FGF14: variants seen among roughly 807,000 people sequenced by gnomAD.
FGF14 encodes the protein fibroblast growth factor homologous factor 4.
In FGF14, 5 loss-of-function variants were observed where a neutral mutation model predicts 25.5. The observed-to-expected ratio is 0.20, with a 90% CI of 0.10 to 0.41. The LOEUF is 0.41. FGF14 is among the 10% of genes least tolerant of loss of function. The pLI is 1.00. For missense variants in FGF14, 222 were observed against 320.1 expected (o/e 0.69, Z 2.34); for synonymous variants, 138 against 118.3 (o/e 1.17, Z -1.08).
chr13:102,152,069 C>T (rs1048055798), intron 1 of FGF14, among the ~76,000 whole-genome samples: 3 of 152,054 alleles, frequency 2.0e-5, no homozygotes, highest in Admixed American at 6.6e-5. Context: ...CTACCCAATA[C>T]GAAGCACGGA....
intron 1 of FGF14, among the ~76,000 whole-genome samples, chr13:102,201,100 CTCAAAAAAAAA>C (rs2049616079): frequency 1.9e-5 from 1 of 52,722 alleles, no homozygotes; most frequent in Non-Finnish European, 3.4e-5. Context: ...GACTCCGTCT[CTCAAAAAAAAA>C]AAAAAAAAAA....
chr13:102,186,896 T>C (rs540367600), intron 1 of FGF14, among the ~76,000 whole-genome samples: 1 of 152,286 alleles, frequency 6.6e-6, no homozygotes, highest in African/African-American at 2.4e-5. Flanking sequence ...GTAGTGCACA[T>C]ACAGGCTCAC....
intron 1 of FGF14, among the ~76,000 whole-genome samples, chr13:102,113,104 T>G (rs181768880): frequency 1.3e-5 from 2 of 152,362 alleles, no homozygotes; most frequent in Admixed American, 1.3e-4. Flanking sequence ...TGAACAGATC[T>G]AAAGACAAAT....
intron 3 of FGF14, among the ~76,000 whole-genome samples, chr13:101,760,681 T>C (rs761754545): frequency 3.3e-5 from 5 of 152,224 alleles, no homozygotes; most frequent in Non-Finnish European, 7.3e-5. Context: ...TTACTGAGCA[T>C]CTATTGCATG....
At chr13:102,250,392 TA>T (rs1376443370) in intron 1 of FGF14, among the ~76,000 whole-genome samples, 1 of 152,166 alleles carries the variant, frequency 6.6e-6, no homozygotes, top group African/African-American at 2.4e-5. Context: ...CTTTTGGAAT[TA>T]AGTCTGTTTT....
chr13:101,771,254 A>G (rs1341561940), intron 3 of FGF14, among the ~76,000 whole-genome samples: 1 of 152,056 alleles, frequency 6.6e-6, no homozygotes, highest in East Asian at 1.9e-4. Context: ...TTCTATCTCT[A>G]CATCCACAAA....
At chr13:101,838,744 G>T (rs2043052501) in intron 3 of FGF14, among the ~76,000 whole-genome samples, 2 of 151,892 alleles carry the variant, frequency 1.3e-5, no homozygotes, top group African/African-American at 4.8e-5. Flanking sequence ...AAAAACAAAG[G>T]TTCTTCAAGA....
chr13:101,943,998 C>CAAAAAAAAAAA (rs58695952), intron 1 of FGF14, among the ~76,000 whole-genome samples: 1 of 85,364 alleles, frequency 1.2e-5, no homozygotes, highest in Non-Finnish European at 2.9e-5. Flanking sequence ...AACTCCGTCT[C>CAAAAAAAAAAA]AAAAAAAAAA....
chr13:101,912,321 C>G (rs1289306294), intron 1 of FGF14, among the ~76,000 whole-genome samples: 2 of 152,062 alleles, frequency 1.3e-5, no homozygotes, highest in East Asian at 3.9e-4. Flanking sequence ...CACATAATAC[C>G]ATAGCTCTCA....
intron 1 of FGF14, among the ~76,000 whole-genome samples, chr13:102,012,862 C>A (rs1166573412): frequency 6.6e-6 from 1 of 152,042 alleles, no homozygotes; most frequent in Non-Finnish European, 1.5e-5. Flanking sequence ...ATGTCTGAGC[C>A]CCCTTATTAA....
At chr13:102,372,437 A>G (rs1466697904) in intron 1 of FGF14, among the ~76,000 whole-genome samples, 1 of 152,218 alleles carries the variant, frequency 6.6e-6, no homozygotes, top group Non-Finnish European at 1.5e-5. Flanking sequence ...ACAAAGCAGC[A>G]GACGAGAAGA....
intron 3 of FGF14, among the ~76,000 whole-genome samples, chr13:101,823,730 C>T (rs2042270894): frequency 6.6e-6 from 1 of 150,578 alleles, no homozygotes; most frequent in Non-Finnish European, 1.5e-5. Flanking sequence ...AGCCACTGCA[C>T]CCAGCCTATC....
intron 1 of FGF14, among the ~76,000 whole-genome samples, chr13:102,055,796 C>T (rs893580753): frequency 3.3e-5 from 5 of 152,188 alleles, no homozygotes; most frequent in Admixed American, 2.0e-4. Flanking sequence ...CTGATAAATA[C>T]ATACCCGAGA....
intron 1 of FGF14, among the ~76,000 whole-genome samples, chr13:102,342,627 T>C (rs1244615251): frequency 6.6e-6 from 1 of 151,980 alleles, no homozygotes; most frequent in Non-Finnish European, 1.5e-5. Context: ...ATAACAATAA[T>C]CCAGTAATCA....
At chr13:101,761,604 T>C (rs904705200) in intron 3 of FGF14, among the ~76,000 whole-genome samples, 2 of 148,840 alleles carry the variant, frequency 1.3e-5, no homozygotes, top group Non-Finnish European at 1.5e-5. Flanking sequence ...ATATATAGTT[T>C]CAAAGAGCAC....
chr13:102,096,719 G>A (rs544930958), intron 1 of FGF14, among the ~76,000 whole-genome samples: 5 of 152,224 alleles, frequency 3.3e-5, no homozygotes, highest in African/African-American at 9.6e-5. Context: ...ATTTCAAGCT[G>A]CCATTAAACA....
chr13:101,947,480 A>C (rs1462333392), intron 1 of FGF14, among the ~76,000 whole-genome samples: 1 of 152,254 alleles, frequency 6.6e-6, no homozygotes. Flanking sequence ...TGTGATACAT[A>C]TATACCATGG....
chr13:102,366,771 A>G (rs2057726752), intron 1 of FGF14, among the ~76,000 whole-genome samples: 1 of 152,232 alleles, frequency 6.6e-6, no homozygotes, highest in African/African-American at 2.4e-5. Context: ...GTAATATCTT[A>G]AAACAGAAAA....
At chr13:101,783,917 C>T (rs1487294098) in intron 3 of FGF14, among the ~76,000 whole-genome samples, 1 of 152,140 alleles carries the variant, frequency 6.6e-6, no homozygotes. Flanking sequence ...TATCCCAGCA[C>T]CATTGACTGA....
Sources: gnomAD v4.1 joint callset for allele counts (sites outside exome capture counted in the v4.1 genomes callset) on GRCh38, gnomAD v4.1.1 for gene constraint, MANE v1.5 for transcripts, NCBI Gene and HGNC (gene_info 2026-07-23, HGNC 2026-07-21) for gene names.